The following SAP130 variants were observed in gnomAD, a reference collection of about 807,000 sequenced individuals.
SAP130 encodes Sin3A associated protein 130.
Under a neutral mutation model 103.2 loss-of-function variants are expected in SAP130, and 16 were observed. The observed-to-expected ratio is 0.16, with a 90% CI of 0.10 to 0.24. The LOEUF is 0.24. Ranked by LOEUF, SAP130 falls within the 10% of genes least tolerant of loss-of-function variation. The pLI is 1.00. For synonymous variants in SAP130, 477 were observed against 497.0 expected, an observed-to-expected ratio of 0.96 and a Z score of 0.53; for missense variants, 990 against 1,359.7, an observed-to-expected ratio of 0.73 and a Z score of 4.28.
intron 7 of SAP130, 127 bp from the exon 8 acceptor site, chr2:128,000,581 T>G: frequency 9.7e-7 from 1 of 1,030,710 alleles, no homozygotes; most frequent in Non-Finnish European, 1.4e-6. Flanking sequence ...ACTTGGTCTT[T>G]AATCACACCA....
chr2:127,969,094 C>A (rs1169644543), intron 15 of SAP130, among the ~76,000 whole-genome samples: 1 of 152,122 alleles, frequency 6.6e-6, no homozygotes, highest in African/African-American at 2.4e-5. Flanking sequence ...TTCTGTGGAA[C>A]AAGTGCTCCA....
Position 127,996,302 on chromosome 2 carries a change from ACGATTAAT to A in SAP130, c.1355+40_1355+47del. 1 of 1,488,612 alleles carries A rather than the reference ACGATTAAT, an allele frequency of 6.7e-7. No individual in the cohort carries two copies. Among genetic ancestry groups the A allele is most frequent in the Middle Eastern group, 1.8e-4 (1 of 5,620 alleles). The allele number at this position is 1,488,612 out of a possible 1,614,324, so 92.2% of individuals were successfully genotyped here. ...CTTTGTTTTATGCTGATAAAGCAGA[ACGATTAAT>A]GACACAGTGAGGCAGAATAACTGAC... On this transcript the variant is annotated intron_variant, in intron 11 of 20. Coordinates refer to ENST00000643581, the MANE Select transcript of SAP130 (RefSeq NM_001330301.2). This position sits in a 1 kb window ranked among gnomAD's most constrained non-coding sequence, Gnocchi z 4.3.
intron 2 of SAP130, 69 bp from the exon 3 acceptor site, chr2:128,017,984 A>C: frequency 7.9e-7 from 1 of 1,272,048 alleles, no homozygotes; most frequent in Non-Finnish European, 1.1e-6. Flanking sequence ...CACAGACAAG[A>C]GTGGTACCTG....
chr2:127,970,039 C>A (rs551389610), intron 15 of SAP130, among the ~76,000 whole-genome samples: 1 of 151,844 alleles, frequency 6.6e-6, no homozygotes, highest in Admixed American at 6.6e-5. Flanking sequence ...ACCATCCTGG[C>A]CAACATGGTG....
At chr2:127,973,473 C>A (rs1392940357) in intron 15 of SAP130, among the ~76,000 whole-genome samples, 1 of 152,214 alleles carries the variant, frequency 6.6e-6, no homozygotes, top group East Asian at 1.9e-4. Flanking sequence ...CTCGGGTGAT[C>A]CGCCCGCCTG....
chr2:127,948,701 G>A (rs554739954), intron 18 of SAP130, among the ~76,000 whole-genome samples: 2 of 152,226 alleles, frequency 1.3e-5, no homozygotes, highest in South Asian at 2.1e-4. Flanking sequence ...TTTTATAGGT[G>A]AGGCAAAATA....
chr2:127,958,607 T>A (rs1171955877), intron 15 of SAP130, among the ~76,000 whole-genome samples: 2 of 151,454 alleles, frequency 1.3e-5, no homozygotes, highest in East Asian at 3.9e-4. Context: ...ACACACTCTC[T>A]CTCTCATATA....
intron 14 of SAP130, among the ~76,000 whole-genome samples, chr2:127,978,561 G>C (rs1351493879): frequency 6.6e-6 from 1 of 152,242 alleles, no homozygotes; most frequent in Non-Finnish European, 1.5e-5. Context: ...GTAAGGCTCT[G>C]ACAGAGAATT....
intron 7 of SAP130, among the ~76,000 whole-genome samples, chr2:128,007,076 A>G (rs1684032918): frequency 6.6e-6 from 1 of 152,246 alleles, no homozygotes; most frequent in Admixed American, 6.5e-5. Context: ...AATCAACACA[A>G]TGGAAAAGAT....
intron 7 of SAP130, among the ~76,000 whole-genome samples, chr2:128,010,062 G>T (rs776078447): frequency 6.6e-6 from 1 of 151,470 alleles, no homozygotes; most frequent in Non-Finnish European, 1.5e-5. Flanking sequence ...CATATTTATC[G>T]CGTCTCCAGC....
intron 19 of SAP130, among the ~76,000 whole-genome samples, chr2:127,943,260 T>C (rs1438046185): frequency 1.3e-5 from 2 of 152,188 alleles, no homozygotes; most frequent in African/African-American, 4.8e-5. Context: ...GGAAAAACTT[T>C]ATGAGGTTGT....
intron 12 of SAP130, among the ~76,000 whole-genome samples, chr2:127,992,408 G>A (rs11884576): frequency 0.061 from 9,275 of 151,798 alleles, 722 homozygotes; most frequent in African/African-American, 0.18. Context: ...ATCCTCCCAA[G>A]TAGCTGGGAT....
chr2:127,967,940 G>C (rs1680774993), intron 15 of SAP130, among the ~76,000 whole-genome samples: 1 of 152,068 alleles, frequency 6.6e-6, no homozygotes, highest in South Asian at 2.1e-4. Flanking sequence ...CCAAACTAAA[G>C]ATCTTTTCCA....
At chr2:128,027,035 G>A in intron 1 of SAP130, 1 of 1,353,076 alleles carries the variant, frequency 7.4e-7, no homozygotes, top group South Asian at 2.0e-5. Context: ...TCCGGGGTGG[G>A]GGTGCGGACG....
intron 4 of SAP130, 123 bp from the exon 5 acceptor site, chr2:128,015,037 G>C: frequency 1.5e-6 from 1 of 684,406 alleles, no homozygotes. Flanking sequence ...CCAAGAGAAA[G>C]GGCTAAGGAC....
At chr2:127,947,457 A>G (rs1216105670) in intron 18 of SAP130, among the ~76,000 whole-genome samples, 1 of 152,198 alleles carries the variant, frequency 6.6e-6, no homozygotes, top group African/African-American at 2.4e-5. Flanking sequence ...GCATTTTTAC[A>G]TCTATATTCA....
rs141032229 is a variant in SAP130, at chr2:128,010,295, C to T, written c.843G>A (p.Ala281=). ...TAAGTGCTGAATCAGTAGCATGCGC[C>T]GCTGTCGTAGTGATGACTGGAGACT... is the stretch of plus-strand genomic sequence containing the variant. ...RAQSPVITTT[A]AHATDSALSR... is the part of the protein sequence containing the mutation. The change falls in exon 7 of 21, where the codon GCG becomes GCA. Residue 281 remains alanine (A), a synonymous_variant. Transcript: ENST00000643581. 8.4e-4 allele frequency: 1,350 copies of T among 1,613,630 alleles called. 3 individuals carry two copies. Among genetic ancestry groups the T allele is most frequent in the Middle Eastern group, 3.3e-3 (20 of 6,058 alleles).
chr2:127,945,511 G>A lies in SAP130; in HGVS notation c.2846C>T (p.Ser949Phe). ...LQEIANQKGV[S>F]CRAQGWKVHL... ...GACTTTCCAGCCTTGAGCACGACAG[G>A]ATACTCCTTTCTGATTAGCTATTTC... The change falls in exon 19 of 21, where the codon TCC (serine) becomes TTC (phenylalanine). Residue 949 changes from serine (S) to phenylalanine (F), a missense_variant. Transcript: ENST00000643581. The A allele has an allele frequency of 6.2e-7, 1 of 1,613,444 alleles. No homozygotes were observed. The highest frequency in any genetic ancestry group is 8.5e-7 in the Non-Finnish European group (1 of 1,179,528).
At position 127,979,880 on chromosome 2, in the gene SAP130, C is replaced by CT. The variant is rs754881410; in HGVS notation, c.1959-1792dup. On this transcript the variant is annotated intron_variant, in intron 14 of 20. Coordinates refer to ENST00000643581, the MANE Select transcript of SAP130 (RefSeq NM_001330301.2). ...ATATTCCTATGTTCAAAATTTTTTT[C>CT]TTTTTTTTTTTTTTTGAGACAGAGT... Among the ~76,000 whole-genome samples the CT allele has an allele frequency of 7.3e-3, 1,020 of 139,152 alleles. 9 individuals carry two copies. The highest frequency in any genetic ancestry group is 0.018 in the African/African-American group (680 of 38,254). The allele number at this position is 139,152 out of a possible 152,430, so 91.3% of individuals were successfully genotyped here.
Sources: allele counts gnomAD v4.1 joint callset (sites outside exome capture counted in the v4.1 genomes callset), GRCh38; gene constraint gnomAD v4.1.1; non-coding constraint Gnocchi (gnomAD v3.1); transcripts MANE v1.5; gene names NCBI Gene and HGNC (gene_info 2026-07-23, HGNC 2026-07-21).